Variants in VAC14 observed in about 807,000 individuals in gnomAD.
VAC14 encodes protein VAC14 homolog.
VAC14 carries 47 observed loss-of-function variants against 85.3 expected under a neutral mutation model. The ratio of observed to expected loss-of-function variants is 0.55; its 90% CI spans 0.44 to 0.70. The LOEUF (loss-of-function observed/expected upper bound fraction) is 0.70. VAC14 is among the 30% of genes least tolerant of loss of function. VAC14 has a pLI of 0.00. For missense variants in VAC14, 861 were observed against 1,004.3 expected (o/e 0.86, Z 1.93); for synonymous variants, 447 against 430.5 (o/e 1.04, Z -0.47).
chr16:70,701,371 C>G (rs191326864), intron 14 of VAC14, among the ~76,000 whole-genome samples: 29 of 152,312 alleles, frequency 1.9e-4, no homozygotes, highest in Admixed American at 3.3e-4. Flanking sequence ...TCCCCATAGA[C>G]TTGCCAACCC....
chr16:70,691,280 C>T, intron 18 of VAC14: 1 of 985,418 alleles, frequency 1.0e-6, no homozygotes, highest in Non-Finnish European at 1.2e-6. Context: ...GGAGGACTCC[C>T]AGGAAGGCAG....
intron 9 of VAC14, among the ~76,000 whole-genome samples, chr16:70,776,762 T>A (rs1194927755): frequency 9.5e-5 from 9 of 94,690 alleles, no homozygotes; most frequent in Non-Finnish European, 1.7e-4. Flanking sequence ...TTGTTTCAAT[T>A]TTTTTTTTTT....
chr16:70,744,516 C>T lies in VAC14; in HGVS notation c.1435G>A (p.Asp479Asn), dbSNP rs2030678798. The T allele has an allele frequency of 6.2e-7, 1 of 1,613,368 alleles. No individual in the cohort carries two copies. The highest frequency in any genetic ancestry group is 1.7e-5 in the Admixed American group (1 of 59,890). The part of the protein sequence containing the change: ...IASSPAGQTD[D>N]PGPLDGPDLQ... ...TCAGGGCCATCGAGGGGGCCTGGGTCATCCGTCTGGCCTGCGGGGGAGGAA... is the reference window on the plus strand; with the variant it reads ...TCAGGGCCATCGAGGGGGCCTGGGTTATCCGTCTGGCCTGCGGGGGAGGAA... Residue 479 changes from aspartate (D) to asparagine (N), a missense_variant, in exon 13 of 19, where the codon GAC becomes AAC. Asp to Asn is a conservative substitution (Grantham distance 23). Transcript: ENST00000261776.
Position 70,687,874 on chromosome 16 carries a change from G to T in VAC14, c.*54C>A. On this transcript the variant is annotated 3_prime_UTR_variant, in exon 19 of 19. Transcript: ENST00000261776. ...CTTGAGCTCCTCGGGAGGGCGTGACGACCCTTAGTGTTTCATGGGACCACT... is the reference window on the plus strand; with the variant it reads ...CTTGAGCTCCTCGGGAGGGCGTGACTACCCTTAGTGTTTCATGGGACCACT... 3 of 1,407,400 alleles carry T rather than the reference G, an allele frequency of 2.1e-6. No homozygotes were observed. In the South Asian group the frequency reaches 5.0e-5, roughly 23 times the overall value. 87.2% of individuals were successfully genotyped at this position (1,407,400 alleles called of 1,614,324 possible).
At chr16:70,700,282 G>A (rs569944078) in intron 14 of VAC14, 88 of 152,364 alleles carry the variant, frequency 5.8e-4, no homozygotes, top group African/African-American at 2.0e-3. Flanking sequence ...GCCTGGGCAA[G>A]AAACCACGAG....
chr16:70,690,142 G>T, intron 18 of VAC14: 3 of 985,676 alleles, frequency 3.0e-6, no homozygotes, highest in Middle Eastern at 5.2e-4. Context: ...GTTGGTCGGG[G>T]TGGGAAGAGT....
intron 18 of VAC14, chr16:70,688,650 T>C: frequency 1.0e-5 from 10 of 985,612 alleles, no homozygotes; most frequent in Non-Finnish European, 1.2e-5. Flanking sequence ...GTCTCACCAC[T>C]GGACATGCCT....
chr16:70,733,260 C>T (rs536377301), intron 13 of VAC14, among the ~76,000 whole-genome samples: 7 of 152,238 alleles, frequency 4.6e-5, no homozygotes, highest in African/African-American at 1.7e-4. Context: ...TCACTCAGCA[C>T]GTTTTCAAGG....
intron 14 of VAC14, among the ~76,000 whole-genome samples, chr16:70,707,459 C>CA (rs1171773745): frequency 6.6e-6 from 1 of 152,130 alleles, no homozygotes. Flanking sequence ...TCCTCTTAGC[C>CA]ATCTGTCCCT....
chr16:70,693,052 G>C (rs2142986163), intron 17 of VAC14, 81 bp from the exon 18 acceptor site: 1 of 1,511,130 alleles, frequency 6.6e-7, no homozygotes, highest in African/African-American at 1.4e-5. Context: ...CCTCCGACTG[G>C]CCAGGACCAC....
At chr16:70,731,404 G>C (rs1376759260) in intron 14 of VAC14, 91 bp downstream of exon 14, 7 of 1,537,820 alleles carry the variant, frequency 4.6e-6, no homozygotes, top group East Asian at 2.3e-5. Context: ...AGAAGGGAAA[G>C]AGAAGGTGGC....
At position 70,763,060 on chromosome 16, in the gene VAC14, A is replaced by G. The variant is rs371288193; in HGVS notation, c.1161-35T>C. On this transcript the variant is annotated intron_variant, in intron 10 of 18. Transcript: ENST00000261776. ...AGATCGGGAGGGAGAGCAGAGGTGA[A>G]GCCCACCATAGCCCTCTCCCATGGA... 345 of 1,612,882 alleles carry G rather than the reference A, an allele frequency of 2.1e-4. 3 individuals carry two copies. Among genetic ancestry groups the G allele is most frequent in the South Asian group, 1.0e-3 (95 of 90,910 alleles).
intron 10 of VAC14, chr16:70,768,243 A>G (rs1337690302): frequency 6.4e-6 from 1 of 155,154 alleles, no homozygotes; most frequent in Non-Finnish European, 1.4e-5. Context: ...CAGTACTATC[A>G]TTATACTGAG....
At chr16:70,697,078 G>T in intron 16 of VAC14, 61 bp downstream of exon 16, 1 of 1,419,254 alleles carries the variant, frequency 7.0e-7, no homozygotes, top group Non-Finnish European at 9.9e-7. Flanking sequence ...TGGAAAGGGG[G>T]CAGCCGGCCC....
intron 14 of VAC14, among the ~76,000 whole-genome samples, chr16:70,703,085 G>C (rs1039427842): frequency 6.6e-6 from 1 of 152,208 alleles, no homozygotes; most frequent in Non-Finnish European, 1.5e-5. Flanking sequence ...GTGGGCACCA[G>C]GGGCTGTCCC....
chr16:70,701,022 C>T (rs1028141446), intron 14 of VAC14, among the ~76,000 whole-genome samples: 2 of 152,170 alleles, frequency 1.3e-5, no homozygotes, highest in African/African-American at 4.8e-5. Context: ...GGCACCCAGA[C>T]CTCCTGGTGT....
intron 1 of VAC14, among the ~76,000 whole-genome samples, chr16:70,796,756 C>A (rs1029903781): frequency 1.3e-5 from 2 of 152,246 alleles, no homozygotes; most frequent in African/African-American, 4.8e-5. Flanking sequence ...CGTGCACTCC[C>A]AGGCTTCACT....
In VAC14 at chr16:70,695,600, T is replaced by A; in HGVS notation, c.1979A>T (p.Asp660Val). The part of the protein sequence containing the change: ...QKFGDLEVTV[D>V]FLAEVDKLVQ... ...CAGCTTGTCCACCTCTGCGAGGAAG[T>A]CCACGGTGACCTCCAGGTCCCCACT... Residue 660 changes from aspartate to valine, a missense_variant, in exon 17 of 19, where the codon GAC becomes GTC. By Grantham distance (152) the Asp-to-Val change is radical. Transcript: ENST00000261776. 6 of 1,613,860 alleles carry A rather than the reference T, an allele frequency of 3.7e-6. No individual in the cohort carries two copies. Among genetic ancestry groups the A allele is most frequent in the Non-Finnish European group, 4.2e-6 (5 of 1,179,928 alleles).
intron 13 of VAC14, among the ~76,000 whole-genome samples, chr16:70,742,567 G>A (rs951090157): frequency 2.1e-4 from 32 of 152,352 alleles, no homozygotes; most frequent in South Asian, 4.1e-4. Context: ...CCACTTCCCC[G>A]ACCACGGCCA....
Sources: allele counts gnomAD v4.1 joint callset (sites outside exome capture counted in the v4.1 genomes callset), GRCh38; gene constraint gnomAD v4.1.1; transcripts MANE v1.5; gene names NCBI Gene and HGNC (gene_info 2026-07-23, HGNC 2026-07-21).